The following DDX60L variants were observed in gnomAD, a reference collection of about 807,000 sequenced individuals.
The protein encoded by DDX60L is probable ATP-dependent RNA helicase DDX60-like.
Under a neutral mutation model 211.6 loss-of-function variants are expected in DDX60L, and 191 were observed. The ratio of observed to expected loss-of-function variants is 0.90; its 90% CI spans 0.80 to 1.02. DDX60L has a LOEUF of 1.02. Among genes scored for constraint, DDX60L ranks in the 50% least tolerant of loss-of-function variants. DDX60L has a pLI of 0.00. For missense variants in DDX60L, 2,007 were observed against 1,984.1 expected, an observed-to-expected ratio of 1.01 and a Z score of -0.22; for synonymous variants, 706 against 694.1, an observed-to-expected ratio of 1.02 and a Z score of -0.27.
intron 22 of DDX60L, among the ~76,000 whole-genome samples, chr4:168,411,417 G>C (rs1448259851): frequency 6.6e-6 from 1 of 152,194 alleles, no homozygotes; most frequent in Non-Finnish European, 1.5e-5. Context: ...ACTTGGAAGA[G>C]GGAAAGCATG....
chr4:168,373,739 A>G lies in DDX60L; in HGVS notation c.4703T>C (p.Val1568Ala). ...AAGACAAACAAATGGTGAAATGGCT[A>G]CTCTTCCTTTCTTGCAGCTCATCAA... is the stretch of plus-strand genomic sequence containing the variant. ...SHLMSCKKGRVAISPFVCLSG... is the reference protein window; with the variant it reads ...SHLMSCKKGRAAISPFVCLSG... Residue 1568 changes from valine (V) to alanine (A), a missense_variant, in exon 35 of 38, where the codon GTA becomes GCA. By Grantham distance (64) the Val-to-Ala change is moderately conservative (BLOSUM62 0). Transcript: ENST00000682922. 1.9e-6 allele frequency: 3 copies of G among 1,613,880 alleles called. No individual in the cohort carries two copies. The highest frequency in any genetic ancestry group is 2.5e-6 in the Non-Finnish European group (3 of 1,179,890).
In DDX60L at chr4:168,358,261, T is replaced by C. The variant is rs1738465289; in HGVS notation, c.5007A>G (p.Glu1669=). The change falls in exon 38 of 38, where the codon GAA becomes GAG. Residue 1669 remains glutamate, a synonymous_variant. Coordinates refer to ENST00000682922, the MANE Select transcript of DDX60L (RefSeq NM_001012967.3). ...NIQAISDSLS[E]LCENKRDNVV... Reference sequence around the variant, plus strand: ...CATTGTCACGCTTATTTTCACATAGTTCACTCAAGGAGTCACTGTATAAAT... The same window carrying C: ...CATTGTCACGCTTATTTTCACATAGCTCACTCAAGGAGTCACTGTATAAAT... The C allele has an allele frequency of 6.3e-7, 1 of 1,588,996 alleles. No individual in the cohort carries two copies. Among genetic ancestry groups the C allele is most frequent in the African/African-American group, 1.4e-5 (1 of 73,724 alleles).
Position 168,391,583 on chromosome 4 carries a change from A to T in DDX60L, c.3872T>A (p.Phe1291Tyr), listed in dbSNP as rs750033963. Residue 1291 changes from phenylalanine to tyrosine, a missense_variant, in exon 29 of 38, where the codon TTT becomes TAT. By Grantham distance (22) the Phe-to-Tyr change is conservative. Coordinates refer to ENST00000682922, the MANE Select transcript of DDX60L (RefSeq NM_001012967.3). ...GIHMPCKSVV[F>Y]AQDSVYLDAL... is the part of the protein sequence containing the mutation. Reference sequence around the variant, plus strand: ...ATCCAGATAGACTGAGTCTTGGGCAAAAACAACAGATTTGCATGGCATGTG... The same window carrying T: ...ATCCAGATAGACTGAGTCTTGGGCATAAACAACAGATTTGCATGGCATGTG... 1 of 1,610,182 alleles carries T rather than the reference A, an allele frequency of 6.2e-7. No homozygotes were observed. Among genetic ancestry groups the T allele is most frequent in the Admixed American group, 1.7e-5 (1 of 59,652 alleles).
chr4:168,386,926 T>A (rs1226464719), intron 29 of DDX60L, among the ~76,000 whole-genome samples: 1 of 152,196 alleles, frequency 6.6e-6, no homozygotes, highest in Non-Finnish European at 1.5e-5. Flanking sequence ...GGAATTTTAT[T>A]GATAAAGGGC....
Position 168,385,969 on chromosome 4 carries a change from TGATAGAGG to T in DDX60L, c.3916-1165_3916-1158del, listed in dbSNP as rs771024907. On this transcript the variant is annotated intron_variant, in intron 29 of 37. Coordinates refer to ENST00000682922, the MANE Select transcript of DDX60L (RefSeq NM_001012967.3). ...CAAAGAGAAGGAGAGAGGGAGGGAG[TGATAGAGG>T]GATAGAGGGAGGGAGGGAGAGGGAA... 6.3e-5 allele frequency among the ~76,000 whole-genome samples: 9 copies of T among 143,256 alleles called. No individual in the cohort carries two copies. In the East Asian group the frequency reaches 1.4e-3, roughly 23 times the overall value. The allele number at this position is 143,256 out of a possible 152,430, so 94.0% of individuals were successfully genotyped here. A position where few individuals can be genotyped will look rare whatever the true frequency, so the allele number is the denominator to read the frequency against.
Position 168,433,111 on chromosome 4 carries a change from G to A in DDX60L, c.1299C>T (p.Ile433=). The change falls in exon 11 of 38, where the codon ATC becomes ATT. Residue 433 remains isoleucine (I), a synonymous_variant. Coordinates refer to ENST00000682922, the MANE Select transcript of DDX60L (RefSeq NM_001012967.3). ...CCACACTAGGCATCTTTTCCAAGGA[G>A]ATTTCTGAAAACAAATATAAATTTA... ...LRQEKSVIQE[I]SLEKMPSVGF... is the part of the protein sequence containing the mutation. The A allele has an allele frequency of 6.3e-7, 1 of 1,595,614 alleles. No homozygotes were observed. Among genetic ancestry groups the A allele is most frequent in the Non-Finnish European group, 8.6e-7 (1 of 1,168,030 alleles).
At chr4:168,437,017 T>C (rs2451037) in intron 10 of DDX60L, among the ~76,000 whole-genome samples, 112,478 of 152,092 alleles carry the variant, frequency 0.74, 42,906 homozygotes, top group East Asian at 0.91. Context: ...CCTTAAGGGT[T>C]CCGTAGTACA....
chr4:168,396,821 G>A (rs1745885062), intron 26 of DDX60L, among the ~76,000 whole-genome samples: 1 of 151,856 alleles, frequency 6.6e-6, no homozygotes. Context: ...CAAAGCAGTG[G>A]TGGAAACAAT....
rs750395940 is a variant in DDX60L at position 168,379,377 on chromosome 4, T to C, written c.4349A>G (p.Lys1450Arg). ...LKRGLFHNLCKPAWKGSQQFS... is the reference protein window; with the variant it reads ...LKRGLFHNLCRPAWKGSQQFS... ...CCCAAGCTTACCTTTCCAGGCTGGC[T>C]TACAGAGATTATGGAAAAGGCCTCT... The change falls in exon 32 of 38, where the codon AAG becomes AGG. Residue 1450 changes from lysine to arginine, a missense_variant. Physicochemically the swap from Lys to Arg is conservative, Grantham distance 26 (BLOSUM62 2). Transcript: ENST00000682922. 5.0e-6 allele frequency: 8 copies of C among 1,587,320 alleles called. No individual in the cohort carries two copies. The highest frequency in any genetic ancestry group is 5.1e-6 in the Non-Finnish European group (6 of 1,172,086).
intron 6 of DDX60L, among the ~76,000 whole-genome samples, chr4:168,456,563 G>T (rs1295283263): frequency 6.6e-6 from 1 of 151,982 alleles, no homozygotes; most frequent in Non-Finnish European, 1.5e-5. Context: ...ACACAACATT[G>T]AAAATTGTGT....
At chr4:168,441,044 TG>T (rs1218410822) in intron 10 of DDX60L, among the ~76,000 whole-genome samples, 1 of 152,098 alleles carries the variant, frequency 6.6e-6, no homozygotes, top group Non-Finnish European at 1.5e-5. Flanking sequence ...GAGGATGGAT[TG>T]GGAAGTGGCC....
chr4:168,456,017 C>A, intron 7 of DDX60L, 22 bp downstream of exon 7: 2 of 1,504,242 alleles, frequency 1.3e-6, no homozygotes, highest in South Asian at 2.5e-5. Context: ...TTCTGCCTGG[C>A]GGCTGTGTTC....
chr4:168,470,499 C>T (rs4692941), intron 4 of DDX60L: 43,451 of 152,084 alleles, frequency 0.29, 7,886 homozygotes, highest in East Asian at 0.62. Flanking sequence ...CCACTGCACA[C>T]AACAAAATGG....
intron 10 of DDX60L, among the ~76,000 whole-genome samples, chr4:168,434,513 G>A (rs987436950): frequency 1.3e-5 from 2 of 152,232 alleles, no homozygotes; most frequent in Admixed American, 6.5e-5. Context: ...AGAAATTGCT[G>A]TGGGAACTGC....
At chr4:168,379,202 T>C (rs926774927) in intron 32 of DDX60L, among the ~76,000 whole-genome samples, 161 bp downstream of exon 32, 6 of 152,222 alleles carry the variant, frequency 3.9e-5, no homozygotes, top group Admixed American at 3.3e-4. Context: ...AGTTGACTTT[T>C]AGTGTCTAAT....
At chr4:168,470,108 A>G (rs898961382) in intron 4 of DDX60L, 3 of 152,204 alleles carry the variant, frequency 2.0e-5, no homozygotes, top group Admixed American at 6.5e-5. Context: ...GATAAATACC[A>G]ATTAAAACAC....
intron 37 of DDX60L, 122 bp from the exon 38 acceptor site, chr4:168,358,398 A>G (rs1738490304): frequency 1.5e-6 from 1 of 658,902 alleles, no homozygotes; most frequent in East Asian, 3.1e-5. Context: ...TATGGAGAAA[A>G]AGTACGCAGA....
At chr4:168,392,100 G>T (rs1258719173) in intron 28 of DDX60L, among the ~76,000 whole-genome samples, 2 of 152,172 alleles carry the variant, frequency 1.3e-5, no homozygotes, top group East Asian at 3.9e-4. Context: ...CTGCATGAAT[G>T]AATGAACAAC....
intron 33 of DDX60L, among the ~76,000 whole-genome samples, chr4:168,376,712 C>T (rs1742004379): frequency 6.6e-6 from 1 of 152,192 alleles, no homozygotes; most frequent in South Asian, 2.1e-4. Flanking sequence ...GGACACCGTT[C>T]TAGGGCAGCA....
Sources: gnomAD v4.1 joint callset for allele counts (sites outside exome capture counted in the v4.1 genomes callset) on GRCh38, gnomAD v4.1.1 for gene constraint, MANE v1.5 for transcripts, NCBI Gene and HGNC (gene_info 2026-07-23, HGNC 2026-07-21) for gene names.